ZFPM2: variants seen among roughly 807,000 people sequenced by gnomAD.
ZFPM2 encodes zinc finger protein, FOG family member 2.
A neutral mutation model predicts 98.6 loss-of-function variants in ZFPM2; 20 were observed. That is an observed-to-expected ratio of 0.20 (90% confidence interval 0.14 to 0.29). The LOEUF (loss-of-function observed/expected upper bound fraction) is 0.29. Among genes scored for constraint, ZFPM2 ranks in the 10% least tolerant of loss-of-function variants. ZFPM2 has a pLI of 1.00. For synonymous variants in ZFPM2, 518 were observed against 502.7 expected (o/e 1.03, Z -0.41); for missense variants, 1,310 against 1,388.6 (o/e 0.94, Z 0.90).
intron 1 of ZFPM2, among the ~76,000 whole-genome samples, chr8:105,351,934 A>G (rs1252252475): frequency 6.6e-6 from 1 of 152,216 alleles, no homozygotes; most frequent in East Asian, 1.9e-4. Flanking sequence ...CAGTAGCATC[A>G]GCATCCCCTC....
At chr8:105,501,182 CTCTT>C (rs1563687800) in intron 3 of ZFPM2, among the ~76,000 whole-genome samples, 4 of 121,018 alleles carry the variant, frequency 3.3e-5, no homozygotes, top group Non-Finnish European at 5.3e-5. Flanking sequence ...ATTTACTTTT[CTCTT>C]TTTTTTTTTT....
chr8:105,468,429 C>A (rs1047129472), intron 3 of ZFPM2, among the ~76,000 whole-genome samples: 1 of 152,120 alleles, frequency 6.6e-6, no homozygotes, highest in Non-Finnish European at 1.5e-5. Flanking sequence ...TCATTACATA[C>A]CTAGACACTC....
intron 1 of ZFPM2, chr8:105,387,305 C>G (rs1198044248): frequency 6.4e-6 from 1 of 155,896 alleles, no homozygotes; most frequent in Non-Finnish European, 1.4e-5. Flanking sequence ...GGTGGAGCTG[C>G]CTGCCAGTCT....
intron 2 of ZFPM2, among the ~76,000 whole-genome samples, chr8:105,422,401 A>G (rs1482752035): frequency 2.0e-5 from 3 of 152,180 alleles, no homozygotes; most frequent in African/African-American, 7.2e-5. Context: ...AGATTGAGCC[A>G]CTGCATGCCC....
At chr8:105,634,640 T>C (rs1434816794) in intron 5 of ZFPM2, among the ~76,000 whole-genome samples, 1 of 152,192 alleles carries the variant, frequency 6.6e-6, no homozygotes, top group Non-Finnish European at 1.5e-5. Flanking sequence ...CTCTTGCTGT[T>C]AGTATCATTG....
chr8:105,545,772 A>G (rs1468260051), intron 3 of ZFPM2, among the ~76,000 whole-genome samples: 2 of 152,282 alleles, frequency 1.3e-5, no homozygotes. Flanking sequence ...AAGGAAATGG[A>G]AAAAAATCTA....
chr8:105,581,965 A>G (rs1280206926), intron 4 of ZFPM2, among the ~76,000 whole-genome samples: 1 of 152,208 alleles, frequency 6.6e-6, no homozygotes, highest in Admixed American at 6.5e-5. Flanking sequence ...CTTCTATTAT[A>G]GTGGGGCCTT....
At chr8:105,412,574 C>T (rs1481019) in intron 1 of ZFPM2, among the ~76,000 whole-genome samples, 64,459 of 151,472 alleles carry the variant, frequency 0.43, 14,952 homozygotes, top group African/African-American at 0.62. Context: ...TTCTGGCAGA[C>T]AAGAGAAAAA....
At chr8:105,736,066 G>GT (rs1264389812) in intron 5 of ZFPM2, among the ~76,000 whole-genome samples, 40 of 152,040 alleles carry the variant, frequency 2.6e-4, no homozygotes, top group Admixed American at 2.6e-3. Context: ...TATTGCGATA[G>GT]TATTAATGTT....
In ZFPM2 at chr8:105,788,742, C is replaced by T. The variant is rs756720261; in HGVS notation, c.557C>T (p.Thr186Met). Residue 186 changes from threonine (T) to methionine (M), a missense_variant, in exon 6 of 8, where the codon ACG (threonine) becomes ATG (methionine). Physicochemically the swap from Thr to Met is moderately conservative, Grantham distance 81. Coordinates refer to ENST00000407775, the MANE Select transcript of ZFPM2 (RefSeq NM_012082.4). ...GGGGGTCAGCTTTGGTGTACAACTA[C>T]GAAGGCCATCTCTGAGGGTGAAGAG... is the stretch of plus-strand genomic sequence containing the variant. The part of the protein sequence containing the change: ...SKGGQLWCTT[T>M]KAISEGEELI... 1.4e-5 allele frequency: 23 copies of T among 1,613,824 alleles called. No homozygotes were observed. The highest frequency in any genetic ancestry group is 3.3e-4 in the Middle Eastern group (2 of 6,084).
intron 4 of ZFPM2, among the ~76,000 whole-genome samples, chr8:105,630,983 G>A (rs1420713937): frequency 3.3e-5 from 5 of 152,086 alleles, no homozygotes; most frequent in Admixed American, 2.0e-4. Context: ...TTCACCCTAG[G>A]GGTGGTAATA....
intron 4 of ZFPM2, among the ~76,000 whole-genome samples, chr8:105,597,329 A>T (rs1167562543): frequency 6.6e-6 from 1 of 152,116 alleles, no homozygotes. Context: ...GTAATGTCCA[A>T]TGCTGGACTA....
At position 105,543,782 on chromosome 8, in the gene ZFPM2, T is replaced by C. The variant is rs112191467; in HGVS notation, c.302-17581T>C. ...AAGTAGTATTTATTAAATCCTTCAT[T>C]TTATTCCAGGCGTAATACTACATCT... is the stretch of plus-strand genomic sequence containing the variant. On this transcript the variant is annotated intron_variant, in intron 3 of 7. Coordinates refer to ENST00000407775, the MANE Select transcript of ZFPM2 (RefSeq NM_012082.4). 2.1e-3 allele frequency among the ~76,000 whole-genome samples: 327 copies of C among 152,316 alleles called. 3 individuals are homozygous for C. Among genetic ancestry groups the C allele is most frequent in the Non-Finnish European group, 3.6e-3 (243 of 68,032 alleles).
At chr8:105,758,416 ATACCTATCATCTATAG>A (rs1365872864) in intron 5 of ZFPM2, among the ~76,000 whole-genome samples, 2 of 152,166 alleles carry the variant, frequency 1.3e-5, no homozygotes, top group Non-Finnish European at 2.9e-5. Flanking sequence ...TGGCTAAGTT[ATACCTATCATCTATAG>A]TTGTGCCATA....
In ZFPM2 at chr8:105,564,949, A is replaced by G. The variant is rs185155571; in HGVS notation, c.420+3468A>G. On this transcript the variant is annotated intron_variant, in intron 4 of 7. Coordinates refer to ENST00000407775, the MANE Select transcript of ZFPM2 (RefSeq NM_012082.4). ...TGAAATCATAAATATTCCTTATAAT[A>G]AAATATATAGCCTACTACCCCTTCC... Among the ~76,000 whole-genome samples the G allele has an allele frequency of 2.0e-3, 297 of 152,250 alleles. 1 individual carries two copies. The highest frequency in any genetic ancestry group is 3.2e-3 in the Non-Finnish European group (218 of 68,010).
At chr8:105,342,460 CAG>C (rs1812448072) in intron 1 of ZFPM2, among the ~76,000 whole-genome samples, 1 of 151,974 alleles carries the variant, frequency 6.6e-6, no homozygotes, top group Admixed American at 6.6e-5. Context: ...TAAAAAGACT[CAG>C]AGCAGACGGA....
chr8:105,570,594 C>T (rs1243171221), intron 4 of ZFPM2, among the ~76,000 whole-genome samples: 1 of 152,054 alleles, frequency 6.6e-6, no homozygotes, highest in Non-Finnish European at 1.5e-5. Flanking sequence ...GAAATGAAAA[C>T]CTGAATTTGT....
intron 1 of ZFPM2, among the ~76,000 whole-genome samples, chr8:105,411,208 T>C (rs143123110): frequency 6.6e-6 from 1 of 151,876 alleles, no homozygotes; most frequent in East Asian, 1.9e-4. Flanking sequence ...CAAGGTAATA[T>C]TCTTGCTGCT....
chr8:105,440,141 C>T (rs868359580), intron 2 of ZFPM2, among the ~76,000 whole-genome samples: 1 of 152,150 alleles, frequency 6.6e-6, no homozygotes, highest in Admixed American at 6.5e-5. Context: ...CACTTAAATA[C>T]TCCTCTAGTA....
Sources: gnomAD v4.1 joint callset for allele counts (sites outside exome capture counted in the v4.1 genomes callset) on GRCh38, gnomAD v4.1.1 for gene constraint, MANE v1.5 for transcripts, NCBI Gene and HGNC (gene_info 2026-07-23, HGNC 2026-07-21) for gene names.